The following CFAP299 variants were observed in gnomAD, a reference collection of about 807,000 sequenced individuals.
CFAP299 encodes the protein cilia- and flagella-associated protein 299.
In CFAP299, 21 loss-of-function variants were observed where a neutral mutation model predicts 27.0. The observed-to-expected ratio is 0.78, with a 90% CI of 0.55 to 1.12. The LOEUF (loss-of-function observed/expected upper bound fraction) is 1.12, where lower values mean the gene tolerates loss of function less well. CFAP299 is among the 50% of genes most tolerant of loss of function. The probability of loss-of-function intolerance (pLI) is 0.00; values close to 1 mark genes in which losing one functional copy is unlikely to be tolerated. For synonymous variants in CFAP299, 104 were observed against 98.1 expected (o/e 1.06, Z -0.36); for missense variants, 310 against 276.6 (o/e 1.12, Z -0.86).
chr4:80,920,373 A>T (rs1273346561), intron 4 of CFAP299, among the ~76,000 whole-genome samples: 2 of 152,142 alleles, frequency 1.3e-5, no homozygotes, highest in Admixed American at 6.6e-5. Flanking sequence ...GTAGGGCCAG[A>T]TTGTAGTGTC....
intron 3 of CFAP299, among the ~76,000 whole-genome samples, chr4:80,800,589 A>T (rs1378410029): frequency 1.1e-5 from 1 of 92,474 alleles, no homozygotes; most frequent in East Asian, 2.8e-4. Flanking sequence ...TATATAATAT[A>T]TAATATATTA....
intron 1 of CFAP299, among the ~76,000 whole-genome samples, chr4:80,345,403 T>C (rs1467668507): frequency 6.6e-6 from 1 of 151,866 alleles, no homozygotes; most frequent in Non-Finnish European, 1.5e-5. Context: ...TGGGTATTTC[T>C]CCCAATGCTA....
chr4:80,324,539 G>C, the CFAP299 span, among the ~76,000 whole-genome samples: 2 of 152,170 alleles, frequency 1.3e-5, no homozygotes, highest in Non-Finnish European at 2.9e-5. Flanking sequence ...CATGCGTCTA[G>C]AGTCACATTT....
intron 3 of CFAP299, among the ~76,000 whole-genome samples, chr4:80,587,273 G>A (rs1736496446): frequency 6.6e-6 from 1 of 151,934 alleles, no homozygotes; most frequent in South Asian, 2.1e-4. Context: ...AACGTTTGGG[G>A]GAAAATGTAT....
chr4:80,386,172 G>A, intron 2 of CFAP299: 2 of 690,836 alleles, frequency 2.9e-6, no homozygotes, highest in Non-Finnish European at 4.6e-6. Flanking sequence ...GAACACCCCG[G>A]GTCCGTCACT....
intron 3 of CFAP299, among the ~76,000 whole-genome samples, chr4:80,723,210 A>G (rs1294174358): frequency 6.6e-6 from 1 of 152,224 alleles, no homozygotes; most frequent in Non-Finnish European, 1.5e-5. Flanking sequence ...AAGGTTAAAC[A>G]TACACCTACC....
chr4:80,620,115 A>T (rs1400008105), intron 3 of CFAP299, among the ~76,000 whole-genome samples: 1 of 152,236 alleles, frequency 6.6e-6, no homozygotes, highest in South Asian at 2.1e-4. Flanking sequence ...TATTTTCATG[A>T]GTTAAATGTA....
intron 3 of CFAP299, among the ~76,000 whole-genome samples, chr4:80,846,634 T>A (rs1481702204): frequency 1.3e-5 from 2 of 152,196 alleles, no homozygotes; most frequent in Non-Finnish European, 2.9e-5. Context: ...TGGTTTCAGA[T>A]ATTGATTTAT....
intron 4 of CFAP299, among the ~76,000 whole-genome samples, chr4:80,897,827 G>C (rs906586432): frequency 6.6e-6 from 1 of 152,206 alleles, no homozygotes; most frequent in African/African-American, 2.4e-5. Flanking sequence ...TCCCCTGTGA[G>C]AGCTTCTGAT....
At chr4:80,820,688 G>C (rs970476205) in intron 3 of CFAP299, among the ~76,000 whole-genome samples, 1 of 152,128 alleles carries the variant, frequency 6.6e-6, no homozygotes, top group African/African-American at 2.4e-5. Flanking sequence ...GTGGGTCAGT[G>C]TGGTGGGTGG....
At chr4:80,737,550 T>C (rs1723979801) in intron 3 of CFAP299, among the ~76,000 whole-genome samples, 1 of 152,078 alleles carries the variant, frequency 6.6e-6, no homozygotes. Flanking sequence ...ACATTTCTTC[T>C]AGATTTTCCA....
At chr4:80,470,787 T>A (rs1288360251) in intron 2 of CFAP299, among the ~76,000 whole-genome samples, 1 of 152,150 alleles carries the variant, frequency 6.6e-6, no homozygotes, top group Admixed American at 6.5e-5. Context: ...TCAAGAGAGA[T>A]CTTCAAAACT....
intron 3 of CFAP299, among the ~76,000 whole-genome samples, chr4:80,624,385 G>T (rs1295878160): frequency 6.6e-6 from 1 of 151,768 alleles, no homozygotes; most frequent in Non-Finnish European, 1.5e-5. Flanking sequence ...ATCAACAGCA[G>T]AAATGATCAA....
intron 3 of CFAP299, among the ~76,000 whole-genome samples, chr4:80,627,061 C>A (rs1472675343): frequency 1.3e-5 from 2 of 151,664 alleles, no homozygotes; most frequent in Non-Finnish European, 3.0e-5. Flanking sequence ...CCCTACAGAC[C>A]AATATCTCTG....
chr4:80,850,229 G>C (rs1006189196), intron 3 of CFAP299, among the ~76,000 whole-genome samples: 1 of 96,060 alleles, frequency 1.0e-5, no homozygotes, highest in Non-Finnish European at 1.9e-5. Context: ...TTATGGCGGT[G>C]GGGGGGGTGA....
At chr4:80,496,367 A>T (rs1407044590) in intron 2 of CFAP299, among the ~76,000 whole-genome samples, 3 of 152,156 alleles carry the variant, frequency 2.0e-5, no homozygotes, top group African/African-American at 7.2e-5. Context: ...TTAGGTTCAA[A>T]CTTCCACAGA....
chr4:80,911,440 T>G (rs1735468267), intron 4 of CFAP299, among the ~76,000 whole-genome samples: 1 of 152,126 alleles, frequency 6.6e-6, no homozygotes, highest in Non-Finnish European at 1.5e-5. Flanking sequence ...AGCATCAAAA[T>G]CTTTTCTGCC....
chr4:80,913,742 G>A lies in CFAP299; in HGVS notation c.477-31068G>A, dbSNP rs1313841982. 3.3e-5 allele frequency among the ~76,000 whole-genome samples: 5 copies of A among 152,254 alleles called. No individual in the cohort carries two copies. The East Asian group carries it at 7.7e-4, about 23-fold the overall frequency. On this transcript the variant is annotated intron_variant, in intron 4 of 5. Transcript: ENST00000358105. ...CAATGAAATTTCTATATTTTAAAGT[G>A]TACAATTCATGAGCTTTGGCTAATG...
At chr4:80,706,567 G>A (rs909606253) in intron 3 of CFAP299, among the ~76,000 whole-genome samples, 3 of 151,810 alleles carry the variant, frequency 2.0e-5, no homozygotes, top group African/African-American at 7.2e-5. Context: ...TAATTATAAA[G>A]AGAAAATTAT....
Sources: gnomAD v4.1 joint callset for allele counts (sites outside exome capture counted in the v4.1 genomes callset) on GRCh38, gnomAD v4.1.1 for gene constraint, MANE v1.5 for transcripts, NCBI Gene and HGNC (gene_info 2026-07-23, HGNC 2026-07-21) for gene names.